The following SLC38A2 variants were observed in gnomAD, a reference collection of about 807,000 sequenced individuals.
SLC38A2 encodes solute carrier family 38 member 2.
A neutral mutation model predicts 61.5 loss-of-function variants in SLC38A2; 11 were observed. The ratio of observed to expected loss-of-function variants is 0.18; its 90% CI spans 0.11 to 0.30. The LOEUF is 0.30. Among genes scored for constraint, SLC38A2 ranks in the 10% least tolerant of loss-of-function variants. The pLI, the probability that SLC38A2 is intolerant of heterozygous loss-of-function variation, is 1.00. For synonymous variants in SLC38A2, 217 were observed against 212.5 expected (o/e 1.02, Z -0.18); for missense variants, 522 against 600.4 (o/e 0.87, Z 1.36).
At chr12:46,361,264 C>T in intron 15 of SLC38A2, 55 bp from the exon 16 acceptor site, 2 of 1,382,476 alleles carry the variant, frequency 1.4e-6, no homozygotes, top group South Asian at 1.2e-5. Context: ...ATATGCTAAA[C>T]ATTTCTTCTA....
chr12:46,366,745 T>C, intron 7 of SLC38A2, 119 bp downstream of exon 7: 1 of 988,694 alleles, frequency 1.0e-6, no homozygotes, highest in South Asian at 1.8e-5. Context: ...TCTTGGTCAG[T>C]TTCAAAAGGA....
At position 46,364,018 on chromosome 12, in the gene SLC38A2, A is replaced by C. The variant is rs1943111973; in HGVS notation, c.874-15T>G. ...GCATAGACAGTCTGAAAGAAAACGTAAAAATCTACTTAATCTGATGTAACG... is the reference window on the plus strand; with the variant it reads ...GCATAGACAGTCTGAAAGAAAACGTCAAAATCTACTTAATCTGATGTAACG... On this transcript the variant is annotated splice_polypyrimidine_tract_variant and intron_variant, in intron 10 of 15. Transcript: ENST00000256689. The C allele has an allele frequency of 6.3e-7, 1 of 1,593,462 alleles. No individual in the cohort carries two copies. The highest frequency in any genetic ancestry group is 8.5e-7 in the Non-Finnish European group (1 of 1,171,380).
chr12:46,371,253 T>C lies in SLC38A2; in HGVS notation c.41A>G (p.Asp14Gly). ...GGAACTGTAGCTGCTGCTGTCTTCA[T>C]CCGGGGAAATACTGAATCGTCCCAT... is the stretch of plus-strand genomic sequence containing the variant. ...AEMGRFSISPDEDSSSYSSNS... is the reference protein window; with the variant it reads ...AEMGRFSISPGEDSSSYSSNS... Residue 14 changes from aspartate (D) to glycine (G), a missense_variant, in exon 2 of 16, where the codon GAT becomes GGT. Coordinates refer to ENST00000256689, the MANE Select transcript of SLC38A2 (RefSeq NM_018976.5). The C allele has an allele frequency of 1.2e-6, 2 of 1,614,236 alleles. No individual in the cohort carries two copies. Among genetic ancestry groups the C allele is most frequent in the Non-Finnish European group, 1.7e-6 (2 of 1,180,040 alleles).
At chr12:46,365,011 T>C in intron 8 of SLC38A2, 96 bp downstream of exon 8, 5 of 1,175,122 alleles carry the variant, frequency 4.3e-6, no homozygotes, top group South Asian at 1.3e-5. Flanking sequence ...TTCTACTTTC[T>C]AGGGCTTTTT....
At chr12:46,361,272 C>T in intron 15 of SLC38A2, 63 bp from the exon 16 acceptor site, 1 of 1,337,544 alleles carries the variant, frequency 7.5e-7, no homozygotes. Flanking sequence ...AACATTTCTT[C>T]TATTTTTTGA....
rs1026211113 is a variant in SLC38A2 at position 46,360,416 on chromosome 12, T to C, written c.*695A>G. ...CTTTTAAGTAATGGTGACGTTTAAA[T>C]GGAAAAAACTATGCTCCTAATTCAT... On this transcript the variant is annotated 3_prime_UTR_variant, in exon 16 of 16. Coordinates refer to ENST00000256689, the MANE Select transcript of SLC38A2 (RefSeq NM_018976.5). 1.3e-5 allele frequency: 2 copies of C among 152,182 alleles called. No homozygotes were observed. The highest frequency in any genetic ancestry group is 4.8e-5 in the African/African-American group (2 of 41,456). The allele number at this position is 152,182 out of a possible 1,614,324, so 9.4% of individuals were successfully genotyped here.
At position 46,362,384 on chromosome 12, in the gene SLC38A2, G is replaced by A; in HGVS notation, c.1325-3C>T. 1 of 1,607,194 alleles carries A rather than the reference G, an allele frequency of 6.2e-7. No homozygotes were observed. ...CAACATAGAAGCTGCAGATGCACCT[G>A]TAAAACAACATTTATGTTTCTTGAG... is the stretch of plus-strand genomic sequence containing the variant. On this transcript the variant is annotated splice_polypyrimidine_tract_variant and splice_region_variant and intron_variant, in intron 14 of 15. Coordinates refer to ENST00000256689, the MANE Select transcript of SLC38A2 (RefSeq NM_018976.5).
At chr12:46,363,603 G>A in intron 12 of SLC38A2, 123 bp downstream of exon 12, 1 of 547,736 alleles carries the variant, frequency 1.8e-6, no homozygotes, top group Non-Finnish European at 3.2e-6. Context: ...TCACAAATAT[G>A]AAATATATTA....
chr12:46,372,688 A>G lies in SLC38A2; in HGVS notation c.-266T>C, dbSNP rs1943219502. On this transcript the variant is annotated 5_prime_UTR_variant, in exon 1 of 16. Transcript: ENST00000256689. ...CTCCGGCGTCCGCCGTGTCAAGGGA[A>G]AGGCGCGAGCGTGCGGTAACGCGTG... is the stretch of plus-strand genomic sequence containing the variant. 2.5e-6 allele frequency: 1 copy of G among 398,426 alleles called. No homozygotes were observed. The highest frequency in any genetic ancestry group is 2.1e-5 in the African/African-American group (1 of 48,644). 24.7% of individuals were successfully genotyped at this position (398,426 alleles called of 1,614,324 possible). A position where few individuals can be genotyped will look rare whatever the true frequency, so the allele number is the denominator to read the frequency against.
intron 1 of SLC38A2, chr12:46,371,640 A>C: frequency 3.9e-6 from 1 of 259,692 alleles, no homozygotes; most frequent in Non-Finnish European, 7.3e-6. Flanking sequence ...CACCCTCTCT[A>C]TTGTCCCTCG....
chr12:46,368,004 G>A (rs1003169188), intron 4 of SLC38A2, among the ~76,000 whole-genome samples: 5 of 152,080 alleles, frequency 3.3e-5, no homozygotes, highest in African/African-American at 4.8e-5. Flanking sequence ...CAGCTGTGGT[G>A]GTGTACACCT....
At chr12:46,365,778 T>C (rs771484480) in intron 7 of SLC38A2, among the ~76,000 whole-genome samples, 1 of 152,142 alleles carries the variant, frequency 6.6e-6, no homozygotes, top group Non-Finnish European at 1.5e-5. Context: ...TTGTGACATC[T>C]TGACCCACCT....
intron 2 of SLC38A2, 33 bp from the exon 3 acceptor site, chr12:46,370,890 C>T (rs771113474): frequency 3.3e-6 from 5 of 1,515,316 alleles, no homozygotes; most frequent in Non-Finnish European, 4.5e-6. Flanking sequence ...TAATTGTAAA[C>T]TGGATTGAAA....
intron 4 of SLC38A2, among the ~76,000 whole-genome samples, chr12:46,369,566 A>T (rs1178124036): frequency 2.0e-5 from 3 of 152,160 alleles, no homozygotes; most frequent in Non-Finnish European, 4.4e-5. Context: ...TTATCTGTAC[A>T]ATGAAGGTAT....
In SLC38A2 at chr12:46,359,344, A is replaced by ATG. The variant is rs1420060216; in HGVS notation, c.*1765_*1766dup. 4 of 152,652 alleles carry ATG rather than the reference A, an allele frequency of 2.6e-5. No individual in the cohort carries two copies. The highest frequency in any genetic ancestry group is 9.7e-5 in the African/African-American group (4 of 41,450). The allele number at this position is 152,652 out of a possible 1,614,324, so 9.5% of individuals were successfully genotyped here. Reference sequence around the variant, plus strand: ...TTTATCTTCATAGAAACAGACAAAAATGGACCAACGGTTTCACCCAATGTA... The same window carrying ATG: ...TTTATCTTCATAGAAACAGACAAAAATGTGGACCAACGGTTTCACCCAATGTA... On this transcript the variant is annotated 3_prime_UTR_variant, in exon 16 of 16. Coordinates refer to ENST00000256689, the MANE Select transcript of SLC38A2 (RefSeq NM_018976.5).
Position 46,360,903 on chromosome 12 carries a change from G to T in SLC38A2, c.*208C>A. 2.0e-6 allele frequency: 1 copy of T among 511,388 alleles called. No homozygotes were observed. Among genetic ancestry groups the T allele is most frequent in the Non-Finnish European group, 3.4e-6 (1 of 291,112 alleles). 31.7% of individuals were successfully genotyped at this position (511,388 alleles called of 1,614,324 possible). A position where few individuals can be genotyped will look rare whatever the true frequency, so the allele number is the denominator to read the frequency against. ...TTAACCCGAGACTCGTGGTTTTGTT[G>T]TTCATATCCATTTCTAACATACAGA... On this transcript the variant is annotated 3_prime_UTR_variant, in exon 16 of 16. Coordinates refer to ENST00000256689, the MANE Select transcript of SLC38A2 (RefSeq NM_018976.5).
chr12:46,362,838 GA>G, intron 13 of SLC38A2, 182 bp downstream of exon 13: 8 of 962,876 alleles, frequency 8.3e-6, no homozygotes, highest in South Asian at 1.9e-5. Context: ...ATCTTATGGT[GA>G]AAAAAATGTC....
In SLC38A2 at chr12:46,359,395, A is replaced by G. The variant is rs1565825653; in HGVS notation, c.*1716T>C. On this transcript the variant is annotated 3_prime_UTR_variant, in exon 16 of 16. Transcript: ENST00000256689. ...GCACTACAAGACGTCTTCCAGTTCC[A>G]TAAGGGTCTTTAATTACACATGTAT... The G allele has an allele frequency of 6.6e-6, 1 of 152,666 alleles. No individual in the cohort carries two copies. The highest frequency in any genetic ancestry group is 1.5e-5 in the Non-Finnish European group (1 of 68,044). The allele number at this position is 152,666 out of a possible 1,614,324, so 9.5% of individuals were successfully genotyped here. A position where few individuals can be genotyped will look rare whatever the true frequency, so the allele number is the denominator to read the frequency against.
chr12:46,368,256 AC>A (rs1292334184), intron 4 of SLC38A2, among the ~76,000 whole-genome samples: 1 of 152,144 alleles, frequency 6.6e-6, no homozygotes, highest in Non-Finnish European at 1.5e-5. Flanking sequence ...ACTACATTGC[AC>A]CCCATGGCAA....
Sources: gnomAD v4.1 joint callset for allele counts (sites outside exome capture counted in the v4.1 genomes callset) on GRCh38, gnomAD v4.1.1 for gene constraint, MANE v1.5 for transcripts, NCBI Gene and HGNC (gene_info 2026-07-23, HGNC 2026-07-21) for gene names.